NOX4: variants seen among roughly 807,000 people sequenced by gnomAD.
The protein encoded by NOX4 is NADPH oxidase 4.
A neutral mutation model predicts 87.6 loss-of-function variants in NOX4; 69 were observed. The observed-to-expected ratio is 0.79, with a 90% CI of 0.65 to 0.96. The LOEUF (loss-of-function observed/expected upper bound fraction) is 0.96. Among genes scored for constraint, NOX4 ranks in the 40% least tolerant of loss-of-function variants. The pLI is 0.00. For missense variants in NOX4, 680 were observed against 681.5 expected (o/e 1.00, Z 0.02); for synonymous variants, 275 against 238.2 (o/e 1.15, Z -1.42).
At chr11:89,455,240 T>C (rs916033126) in intron 2 of NOX4, among the ~76,000 whole-genome samples, 4 of 152,144 alleles carry the variant, frequency 2.6e-5, no homozygotes, top group Admixed American at 2.6e-4. Flanking sequence ...GTTTGTGTCA[T>C]AATACCTCAA....
intron 8 of NOX4, among the ~76,000 whole-genome samples, chr11:89,404,507 T>A (rs1050186790): frequency 6.5e-4 from 99 of 152,258 alleles, no homozygotes; most frequent in African/African-American, 2.1e-3. Context: ...TAATAATAGC[T>A]TAGTAATGTA....
the NOX4 span, among the ~76,000 whole-genome samples, chr11:89,576,514 A>T: frequency 6.6e-6 from 1 of 152,186 alleles, no homozygotes; most frequent in Non-Finnish European, 1.5e-5. Flanking sequence ...GAGAAATGTT[A>T]TTTAAATCTA....
At chr11:89,423,907 T>G (rs1331991137) in intron 7 of NOX4, among the ~76,000 whole-genome samples, 1 of 151,596 alleles carries the variant, frequency 6.6e-6, no homozygotes, top group Non-Finnish European at 1.5e-5. Flanking sequence ...ATAAATACAA[T>G]TAAAAAAAAT....
At chr11:89,520,873 A>G in the NOX4 span, among the ~76,000 whole-genome samples, 2 of 152,318 alleles carry the variant, frequency 1.3e-5, no homozygotes, top group South Asian at 2.1e-4. Flanking sequence ...ATGTACAAAA[A>G]TCAGTGGCAT....
chr11:89,345,848 T>C (rs892772758), intron 13 of NOX4, among the ~76,000 whole-genome samples: 1 of 152,084 alleles, frequency 6.6e-6, no homozygotes, highest in Non-Finnish European at 1.5e-5. Flanking sequence ...TGATCCTGAA[T>C]TGGCAAAAGG....
chr11:89,556,387 G>C, the NOX4 span, among the ~76,000 whole-genome samples: 1 of 152,118 alleles, frequency 6.6e-6, no homozygotes, highest in Non-Finnish European at 1.5e-5. Flanking sequence ...GCTGGGCATG[G>C]TGGCATGTGC....
chr11:89,378,047 A>G (rs1024550055), intron 11 of NOX4, among the ~76,000 whole-genome samples: 9 of 152,062 alleles, frequency 5.9e-5, no homozygotes, highest in South Asian at 2.1e-4. Flanking sequence ...GCATTCAATC[A>G]CCTTTCATTT....
At chr11:89,344,983 T>C (rs1350249155) in intron 13 of NOX4, among the ~76,000 whole-genome samples, 1 of 152,166 alleles carries the variant, frequency 6.6e-6, no homozygotes, top group Admixed American at 6.6e-5. Flanking sequence ...AAAGTGAGTG[T>C]GATAAACTAT....
At chr11:89,566,214 C>T in the NOX4 span, among the ~76,000 whole-genome samples, 82,763 of 151,520 alleles carry the variant, frequency 0.55, 24,059 homozygotes, top group African/African-American at 0.75. Flanking sequence ...AGCTAATTTT[C>T]TGTATTTTTT....
intron 11 of NOX4, among the ~76,000 whole-genome samples, chr11:89,380,109 T>C (rs1418337580): frequency 6.6e-6 from 1 of 152,200 alleles, no homozygotes. Flanking sequence ...ACATGAAGCA[T>C]ATGGATGTAT....
intron 4 of NOX4, among the ~76,000 whole-genome samples, chr11:89,448,872 G>C (rs904273714): frequency 1.3e-5 from 2 of 152,030 alleles, no homozygotes; most frequent in African/African-American, 4.8e-5. Context: ...AACAGTGCCA[G>C]GCCCTGTTTC....
Position 89,452,429 on chromosome 11 carries a change from G to T in NOX4, c.154-534C>A, listed in dbSNP as rs191033075. Among the ~76,000 whole-genome samples the T allele has an allele frequency of 2.1e-3, 323 of 152,222 alleles. 1 individual carries two copies. Among genetic ancestry groups the T allele is most frequent in the Non-Finnish European group, 3.5e-3 (240 of 68,008 alleles). On this transcript the variant is annotated intron_variant, in intron 2 of 17. Coordinates refer to ENST00000263317, the MANE Select transcript of NOX4 (RefSeq NM_016931.5). Reference sequence around the variant, plus strand: ...ATCTTTCTGGTCACATAGTAAGCACGACTCTTCTAGACTTCTTCCCTGATC... The same window carrying T: ...ATCTTTCTGGTCACATAGTAAGCACTACTCTTCTAGACTTCTTCCCTGATC...
chr11:89,383,103 G>A (rs778940866), intron 11 of NOX4, among the ~76,000 whole-genome samples: 12 of 152,088 alleles, frequency 7.9e-5, no homozygotes, highest in South Asian at 2.1e-4. Flanking sequence ...AATCAACCTC[G>A]CCTTCAAGAT....
chr11:89,479,558 T>C (rs1184071484), intron 2 of NOX4, among the ~76,000 whole-genome samples: 1 of 152,198 alleles, frequency 6.6e-6, no homozygotes, highest in East Asian at 1.9e-4. Flanking sequence ...CCTTAAAATA[T>C]ATCAGACCTC....
At chr11:89,357,927 T>TAC (rs551311603) in intron 12 of NOX4, among the ~76,000 whole-genome samples, 10 of 151,004 alleles carry the variant, frequency 6.6e-5, no homozygotes, top group East Asian at 3.9e-4. Flanking sequence ...TGTGTGTGCA[T>TAC]ACACACACAC....
Position 89,491,364 on chromosome 11 carries a change from C to A in NOX4, c.-118G>T. ...GGGCCGCTGAGCGAGGACCGAGGGT[C>A]AAAGACTGAGTGGAAGCCCGAAGGC... On this transcript the variant is annotated 5_prime_UTR_variant, in exon 1 of 18. Transcript: ENST00000263317. The A allele has an allele frequency of 3.2e-6, 3 of 940,518 alleles. No homozygotes were observed. The highest frequency in any genetic ancestry group is 4.6e-6 in the Non-Finnish European group (3 of 646,212). 58.3% of individuals were successfully genotyped at this position (940,518 alleles called of 1,614,324 possible).
chr11:89,522,578 A>G, the NOX4 span, among the ~76,000 whole-genome samples: 1 of 152,156 alleles, frequency 6.6e-6, no homozygotes, highest in South Asian at 2.1e-4. Context: ...TTTGTACCCC[A>G]AAACTCAACA....
intron 2 of NOX4, among the ~76,000 whole-genome samples, chr11:89,487,590 T>A (rs1419105816): frequency 2.0e-5 from 3 of 152,154 alleles, no homozygotes; most frequent in Non-Finnish European, 4.4e-5. Flanking sequence ...AGAAATAACA[T>A]CATGATTTTT....
At chr11:89,575,324 T>G in the NOX4 span, among the ~76,000 whole-genome samples, 1 of 152,210 alleles carries the variant, frequency 6.6e-6, no homozygotes, top group Non-Finnish European at 1.5e-5. Context: ...CAAATAATTA[T>G]TTTTTTGTGT....
Sources: allele counts gnomAD v4.1 joint callset (sites outside exome capture counted in the v4.1 genomes callset), GRCh38; gene constraint gnomAD v4.1.1; transcripts MANE v1.5; gene names NCBI Gene and HGNC (gene_info 2026-07-23, HGNC 2026-07-21).